LRCH1: variants seen among roughly 807,000 people sequenced by gnomAD.
The protein encoded by LRCH1 is leucine rich repeats and calponin homology domain containing 1.
Under a neutral mutation model 94.9 loss-of-function variants are expected in LRCH1, and 23 were observed. The ratio of observed to expected loss-of-function variants is 0.24; its 90% CI spans 0.17 to 0.34. The LOEUF is 0.34. Among genes scored for constraint, LRCH1 ranks in the 10% least tolerant of loss-of-function variants. The pLI is 1.00. For synonymous variants in LRCH1, 364 were observed against 354.9 expected (o/e 1.03, Z -0.29); for missense variants, 790 against 945.9 (o/e 0.84, Z 2.16).
chr13:46,637,171 A>G (rs1291453208), intron 1 of LRCH1, among the ~76,000 whole-genome samples: 1 of 152,160 alleles, frequency 6.6e-6, no homozygotes, highest in Non-Finnish European at 1.5e-5. Context: ...CCCCCATCCA[A>G]TCAGCAAATT....
At chr13:46,690,067 C>A (rs1456400694) in intron 7 of LRCH1, among the ~76,000 whole-genome samples, 1 of 64,248 alleles carries the variant, frequency 1.6e-5, no homozygotes, top group Non-Finnish European at 3.3e-5. Flanking sequence ...ATGTATGACT[C>A]CAGGAAAAAA....
Position 46,744,853 on chromosome 13 carries a change from T to C in LRCH1, c.*3005T>C, listed in dbSNP as rs1873843538. 1 of 984,220 alleles carries C rather than the reference T, an allele frequency of 1.0e-6. No individual in the cohort carries two copies. The highest frequency in any genetic ancestry group is 1.7e-5 in the African/African-American group (1 of 57,232). 61.0% of individuals were successfully genotyped at this position (984,220 alleles called of 1,614,324 possible). A position where few individuals can be genotyped will look rare whatever the true frequency, so the allele number is the denominator to read the frequency against. ...AGACTTGATTTTTAAAAATTAGGCT[T>C]CGTATTTCAAAATTAGTTCTCAATA... On this transcript the variant is annotated 3_prime_UTR_variant, in exon 20 of 20. Coordinates refer to ENST00000389797, the MANE Select transcript of LRCH1 (RefSeq NM_001164211.2).
At chr13:46,733,778 T>G (rs1873229938) in intron 18 of LRCH1, 143 bp from the exon 19 acceptor site, 1 of 535,184 alleles carries the variant, frequency 1.9e-6, no homozygotes, top group Non-Finnish European at 3.4e-6. Context: ...TATTTTGTTT[T>G]CTTCTATTTG....
intron 1 of LRCH1, among the ~76,000 whole-genome samples, chr13:46,590,363 C>A (rs1395008451): frequency 6.6e-6 from 1 of 152,198 alleles, no homozygotes; most frequent in African/African-American, 2.4e-5. Context: ...CATTTTCTTA[C>A]AATGTGGCAA....
At chr13:46,748,431 C>T (rs1021947089), downstream of LRCH1, among the ~76,000 whole-genome samples, 4 of 152,148 alleles carry the variant, frequency 2.6e-5, no homozygotes, top group Admixed American at 6.6e-5. Context: ...AGCCAGATGT[C>T]GACTTGGGTG....
At chr13:46,619,703 T>C (rs2050858511) in intron 1 of LRCH1, among the ~76,000 whole-genome samples, 1 of 152,234 alleles carries the variant, frequency 6.6e-6, no homozygotes, top group African/African-American at 2.4e-5. Flanking sequence ...ATGAAGAGGC[T>C]GTCGGACTTG....
At chr13:46,565,812 A>AAAT (rs3068690) in intron 1 of LRCH1, among the ~76,000 whole-genome samples, 21,232 of 139,976 alleles carry the variant, frequency 0.15, 1,601 homozygotes, top group Middle Eastern at 0.22. Flanking sequence ...TCTGTCTCCA[A>AAAT]AATAATAATA....
At chr13:46,631,983 C>T (rs2051023204) in intron 1 of LRCH1, among the ~76,000 whole-genome samples, 1 of 152,166 alleles carries the variant, frequency 6.6e-6, no homozygotes, top group Non-Finnish European at 1.5e-5. Context: ...AGGTGGATCA[C>T]TTGAGGTCAG....
At chr13:46,642,236 A>G (rs1315337477) in intron 1 of LRCH1, among the ~76,000 whole-genome samples, 3 of 152,220 alleles carry the variant, frequency 2.0e-5, no homozygotes, top group Non-Finnish European at 4.4e-5. Context: ...GGCACCTGAA[A>G]TGGGTCAGTC....
intron 1 of LRCH1, among the ~76,000 whole-genome samples, chr13:46,625,787 G>A (rs2050941332): frequency 6.6e-6 from 1 of 152,076 alleles, no homozygotes; most frequent in Non-Finnish European, 1.5e-5. Flanking sequence ...CCAGGTAGCT[G>A]GGACCACGGG....
intron 1 of LRCH1, among the ~76,000 whole-genome samples, chr13:46,641,033 A>G (rs901813435): frequency 6.6e-6 from 1 of 152,130 alleles, no homozygotes; most frequent in Non-Finnish European, 1.5e-5. Context: ...GTCAGGGGTG[A>G]GTCAGCCCAT....
chr13:46,751,289 T>C (rs754990373), exon 19 of LRCH1: 5 of 152,140 alleles, frequency 3.3e-5, no homozygotes, highest in Non-Finnish European at 4.4e-5. Flanking sequence ...AGTTTAGGTC[T>C]CAGTAATGTT....
rs893052638 is a variant in LRCH1 at position 46,699,575 on chromosome 13, C to T, written c.1313+172C>T. Among the ~76,000 whole-genome samples the T allele has an allele frequency of 4.6e-5, 7 of 152,116 alleles. No homozygotes were observed. The East Asian group carries it at 7.7e-4, about 17-fold the overall frequency. On this transcript the variant is annotated intron_variant, in intron 10 of 19. Transcript: ENST00000389797. ...TTTTTCTCTGTCTGATGCTTTTTGT[C>T]GTGGTATTGGGCAGTACAAACCTCT... is the stretch of plus-strand genomic sequence containing the variant.
chr13:46,688,026 C>T, intron 6 of LRCH1, 47 bp downstream of exon 6: 1 of 1,556,604 alleles, frequency 6.4e-7, no homozygotes, highest in Non-Finnish European at 8.7e-7. Context: ...TTTGCCTAGG[C>T]CAAGGCCCTC....
intron 2 of LRCH1, among the ~76,000 whole-genome samples, chr13:46,667,593 G>C (rs544104102): frequency 6.6e-6 from 1 of 151,568 alleles, no homozygotes; most frequent in African/African-American, 2.4e-5. Flanking sequence ...AAGTTAATGG[G>C]TGCAGTACAC....
chr13:46,715,139 C>G (rs147749420), intron 15 of LRCH1, among the ~76,000 whole-genome samples: 2,490 of 152,194 alleles, frequency 0.016, 39 homozygotes, highest in Middle Eastern at 0.037. Context: ...TTCTATGTCA[C>G]CAATTTTTTT....
Position 46,553,337 on chromosome 13 carries a change from G to A in LRCH1, c.-60G>A. The A allele has an allele frequency of 7.1e-7, 1 of 1,399,848 alleles. No individual in the cohort carries two copies. Among genetic ancestry groups the A allele is most frequent in the Non-Finnish European group, 9.6e-7 (1 of 1,042,694 alleles). 86.7% of individuals were successfully genotyped at this position (1,399,848 alleles called of 1,614,324 possible). ...GCCCGAGCTGCCGTTTTCCCCTCGC[G>A]GGGAACGCTGTGACCCCCCCGCAGG... On this transcript the variant is annotated 5_prime_UTR_variant, in exon 1 of 20. Transcript: ENST00000389797.
chr13:46,578,397 G>A (rs2050326990), intron 1 of LRCH1, among the ~76,000 whole-genome samples: 1 of 152,188 alleles, frequency 6.6e-6, no homozygotes, highest in Admixed American at 6.5e-5. Context: ...CATCGCAGAA[G>A]CAAAAGGATG....
intron 1 of LRCH1, among the ~76,000 whole-genome samples, chr13:46,595,868 T>TTTC (rs386379057): frequency 2.5e-4 from 1 of 3,956 alleles, no homozygotes; most frequent in Non-Finnish European, 4.2e-4. Flanking sequence ...CCTCACATTG[T>TTTC]TTTTTTTTTT....
Sources: allele counts gnomAD v4.1 joint callset (sites outside exome capture counted in the v4.1 genomes callset), GRCh38; gene constraint gnomAD v4.1.1; transcripts MANE v1.5; gene names NCBI Gene and HGNC (gene_info 2026-07-23, HGNC 2026-07-21).